NOVA1: variants seen among roughly 807,000 people sequenced by gnomAD.
NOVA1 encodes the protein NOVA alternative splicing regulator 1, also known as RNA-binding protein Nova-1.
NOVA1 carries 7 observed loss-of-function variants against 38.0 expected under a neutral mutation model. The observed-to-expected ratio is 0.18, with a 90% CI of 0.10 to 0.35. The LOEUF (loss-of-function observed/expected upper bound fraction) is 0.35. Among genes scored for constraint, NOVA1 ranks in the 10% least tolerant of loss-of-function variants. The pLI, the probability that NOVA1 is intolerant of heterozygous loss-of-function variation, is 1.00. For missense variants in NOVA1, 460 were observed against 616.0 expected (o/e 0.75, Z 2.68); for synonymous variants, 270 against 232.5 (o/e 1.16, Z -1.47).
At chr14:26,478,555 T>A (rs1885177708) in intron 3 of NOVA1, among the ~76,000 whole-genome samples, 1 of 151,962 alleles carries the variant, frequency 6.6e-6, no homozygotes, top group Admixed American at 6.6e-5. Context: ...AGTCTTTAAC[T>A]ACACTTCTAC....
At chr14:26,533,705 A>C (rs1217921133) in intron 2 of NOVA1, among the ~76,000 whole-genome samples, 1 of 152,164 alleles carries the variant, frequency 6.6e-6, no homozygotes, top group African/African-American at 2.4e-5. Context: ...TCTCTACCCT[A>C]AGAAAATTAA....
chr14:26,478,868 T>A (rs1040759459), intron 3 of NOVA1: 17 of 151,862 alleles, frequency 1.1e-4, no homozygotes, highest in Non-Finnish European at 2.2e-4. Flanking sequence ...GGGATTTTTT[T>A]AAAAAAGTAA....
intron 2 of NOVA1, among the ~76,000 whole-genome samples, chr14:26,538,957 T>C (rs1019999411): frequency 1.3e-5 from 2 of 152,188 alleles, no homozygotes; most frequent in African/African-American, 4.8e-5. Context: ...TTTTCTTTAC[T>C]ATTCCTGATG....
intron 2 of NOVA1, 50 bp downstream of exon 2, chr14:26,595,356 ATCTT>A (rs1894121745): frequency 1.3e-6 from 2 of 1,552,394 alleles, no homozygotes; most frequent in Non-Finnish European, 1.8e-6. Context: ...ACACAAGTAG[ATCTT>A]TCTTTCCTGT....
At chr14:26,586,640 A>G (rs1049762587) in intron 2 of NOVA1, among the ~76,000 whole-genome samples, 7 of 151,266 alleles carry the variant, frequency 4.6e-5, no homozygotes, top group African/African-American at 1.7e-4. Context: ...GAATGATGAA[A>G]GCAAGAAAGA....
intron 2 of NOVA1, among the ~76,000 whole-genome samples, chr14:26,566,380 T>G (rs1892137695): frequency 6.6e-6 from 1 of 152,128 alleles, no homozygotes; most frequent in Non-Finnish European, 1.5e-5. Context: ...CTAGTTTGGC[T>G]CCAATGATTG....
At chr14:26,542,102 T>C (rs1203625799) in intron 2 of NOVA1, among the ~76,000 whole-genome samples, 1 of 151,858 alleles carries the variant, frequency 6.6e-6, no homozygotes, top group Non-Finnish European at 1.5e-5. Flanking sequence ...TTAGGTAAGG[T>C]AAACATATCT....
chr14:26,589,635 T>C (rs1478307413), intron 2 of NOVA1, among the ~76,000 whole-genome samples: 1 of 151,776 alleles, frequency 6.6e-6, no homozygotes, highest in Admixed American at 6.6e-5. Flanking sequence ...TCTGAGATAA[T>C]ATTTTAAGAA....
chr14:26,506,352 G>C (rs868401814), intron 2 of NOVA1, among the ~76,000 whole-genome samples: 2 of 152,298 alleles, frequency 1.3e-5, no homozygotes, highest in African/African-American at 4.8e-5. Flanking sequence ...AGTTAATAAA[G>C]AGAAGTAAAT....
chr14:26,455,879 A>AGCC, intron 4 of NOVA1, among the ~76,000 whole-genome samples: 1 of 152,144 alleles, frequency 6.6e-6, no homozygotes, highest in African/African-American at 2.4e-5. Context: ...ATTGCAGGAA[A>AGCC]GCCCATTATT....
chr14:26,594,063 A>G (rs1213213837), intron 2 of NOVA1: 1 of 151,930 alleles, frequency 6.6e-6, no homozygotes, highest in Non-Finnish European at 1.5e-5. Context: ...TACCTTTTAA[A>G]CATATGAATG....
intron 2 of NOVA1, among the ~76,000 whole-genome samples, chr14:26,521,808 T>C (rs1042759319): frequency 1.3e-5 from 2 of 152,008 alleles, no homozygotes; most frequent in Admixed American, 6.6e-5. Flanking sequence ...ATCAAGGGTA[T>C]TATGTAGGAG....
chr14:26,484,982 C>G (rs931360462), intron 2 of NOVA1, among the ~76,000 whole-genome samples: 2 of 151,640 alleles, frequency 1.3e-5, no homozygotes, highest in African/African-American at 4.8e-5. Flanking sequence ...CTTCATGGAG[C>G]TCATATTCTA....
chr14:26,540,647 T>C (rs1890407803), intron 2 of NOVA1, among the ~76,000 whole-genome samples: 1 of 152,208 alleles, frequency 6.6e-6, no homozygotes, highest in African/African-American at 2.4e-5. Flanking sequence ...TCAGAATTCA[T>C]TTAAGGTACT....
intron 2 of NOVA1, among the ~76,000 whole-genome samples, chr14:26,528,725 A>G (rs1324106214): frequency 6.6e-6 from 1 of 152,194 alleles, no homozygotes; most frequent in African/African-American, 2.4e-5. Context: ...GCAGGAGTGA[A>G]CAAGCCACAT....
At chr14:26,524,083 G>T (rs1444083970) in intron 2 of NOVA1, among the ~76,000 whole-genome samples, 1 of 152,090 alleles carries the variant, frequency 6.6e-6, no homozygotes, top group African/African-American at 2.4e-5. Context: ...TTTTAGCTTT[G>T]TGGGCTGGGC....
intron 2 of NOVA1, among the ~76,000 whole-genome samples, chr14:26,482,863 C>A (rs928595029): frequency 6.6e-6 from 1 of 152,048 alleles, no homozygotes; most frequent in Non-Finnish European, 1.5e-5. Context: ...CCATGCCTGG[C>A]TAATTTTTTG....
intron 4 of NOVA1, among the ~76,000 whole-genome samples, chr14:26,469,446 A>C (rs1884412985): frequency 3.9e-5 from 6 of 152,246 alleles, no homozygotes; most frequent in Admixed American, 3.9e-4. Flanking sequence ...TTAAAGAATA[A>C]TCTTTTTCAT....
At chr14:26,592,482 A>G (rs1228635267) in intron 2 of NOVA1, among the ~76,000 whole-genome samples, 1 of 151,392 alleles carries the variant, frequency 6.6e-6, no homozygotes, top group Non-Finnish European at 1.5e-5. Context: ...AGATAAATGG[A>G]TTACGTAGTA....
Sources: gnomAD v4.1 joint callset for allele counts (sites outside exome capture counted in the v4.1 genomes callset) on GRCh38, gnomAD v4.1.1 for gene constraint, MANE v1.5 for transcripts, NCBI Gene and HGNC (gene_info 2026-07-23, HGNC 2026-07-21) for gene names.